Variants in SYTL3 observed in about 807,000 individuals in gnomAD.
SYTL3 encodes synaptotagmin like 3, also known as synaptotagmin-like protein 3.
A neutral mutation model predicts 82.1 loss-of-function variants in SYTL3; 88 were observed. That is an observed-to-expected ratio of 1.07 (90% CI 0.90 to 1.28). The LOEUF (loss-of-function observed/expected upper bound fraction) is 1.28. Ranked by LOEUF, SYTL3 falls within the 50% of genes most tolerant of loss-of-function variation. The probability of loss-of-function intolerance (pLI) is 0.00; values close to 1 mark genes in which losing one functional copy is unlikely to be tolerated. For missense variants in SYTL3, 831 were observed against 757.6 expected (o/e 1.10, Z -1.14); for synonymous variants, 311 against 289.4 (o/e 1.07, Z -0.76).
intron 5 of SYTL3, among the ~76,000 whole-genome samples, chr6:158,670,189 A>G (rs1382419150): frequency 6.6e-6 from 1 of 152,256 alleles, no homozygotes; most frequent in African/African-American, 2.4e-5. Context: ...CAGTACTTTT[A>G]TAATCCCATG....
chr6:158,729,366 G>A (rs977726461), intron 11 of SYTL3, among the ~76,000 whole-genome samples: 4 of 152,014 alleles, frequency 2.6e-5, no homozygotes, highest in African/African-American at 9.7e-5. Flanking sequence ...AGGGCAAGAG[G>A]GTCCAGTGCT....
At chr6:158,688,736 T>G (rs555715781) in intron 6 of SYTL3, among the ~76,000 whole-genome samples, 1 of 152,292 alleles carries the variant, frequency 6.6e-6, no homozygotes, top group East Asian at 1.9e-4. Flanking sequence ...CTTTTGTGAG[T>G]GTATGTATCT....
At chr6:158,747,049 C>G (rs371256583) in intron 12 of SYTL3, among the ~76,000 whole-genome samples, 1 of 152,098 alleles carries the variant, frequency 6.6e-6, no homozygotes, top group Non-Finnish European at 1.5e-5. Context: ...TGTATTGGCA[C>G]GATGTCAGCT....
intron 8 of SYTL3, among the ~76,000 whole-genome samples, chr6:158,708,644 C>G (rs977680226): frequency 2.6e-5 from 4 of 152,174 alleles, no homozygotes; most frequent in Non-Finnish European, 5.9e-5. Flanking sequence ...TCTCTTTACT[C>G]TTGGCATGGC....
chr6:158,659,142 C>G (rs1308536312), intron 2 of SYTL3, among the ~76,000 whole-genome samples: 1 of 152,138 alleles, frequency 6.6e-6, no homozygotes, highest in Non-Finnish European at 1.5e-5. Context: ...ATACACATAC[C>G]TCGAGTTCTC....
intron 6 of SYTL3, among the ~76,000 whole-genome samples, chr6:158,696,488 C>A (rs1780575443): frequency 6.6e-6 from 1 of 151,876 alleles, no homozygotes; most frequent in Admixed American, 6.6e-5. Flanking sequence ...CAGGTGTGAG[C>A]CACCGCACCT....
At chr6:158,671,553 T>C (rs1777382188) in intron 5 of SYTL3, among the ~76,000 whole-genome samples, 1 of 152,014 alleles carries the variant, frequency 6.6e-6, no homozygotes, top group East Asian at 1.9e-4. Flanking sequence ...TCACTTGAGG[T>C]CAGGAGTTGA....
At chr6:158,761,226 A>T (rs1178386438) in intron 15 of SYTL3, among the ~76,000 whole-genome samples, 1 of 151,406 alleles carries the variant, frequency 6.6e-6, no homozygotes, top group Non-Finnish European at 1.5e-5. Context: ...CTCCTTCAAT[A>T]ACGTGGGGCG....
chr6:158,754,225 A>G (rs1308115835), intron 13 of SYTL3, among the ~76,000 whole-genome samples: 1 of 152,194 alleles, frequency 6.6e-6, no homozygotes, highest in Non-Finnish European at 1.5e-5. Context: ...ACTTCTTGGC[A>G]AGCCTTTCTG....
At chr6:158,693,873 T>TTTTTTG (rs61163570) in intron 6 of SYTL3, among the ~76,000 whole-genome samples, 4 of 132,488 alleles carry the variant, frequency 3.0e-5, no homozygotes, top group Admixed American at 2.2e-4. Context: ...TTTTTTTTTT[T>TTTTTTG]GTAGATACAG....
At chr6:158,680,034 C>T (rs971065532) in intron 5 of SYTL3, among the ~76,000 whole-genome samples, 1 of 152,182 alleles carries the variant, frequency 6.6e-6, no homozygotes, top group Non-Finnish European at 1.5e-5. Flanking sequence ...AAAGGCAATT[C>T]TGCAAGTAAG....
intron 10 of SYTL3, among the ~76,000 whole-genome samples, chr6:158,720,453 A>C (rs892818900): frequency 6.6e-6 from 1 of 151,420 alleles, no homozygotes; most frequent in African/African-American, 2.4e-5. Flanking sequence ...AGGTTGACCA[A>C]CGTGCCTAAT....
At chr6:158,725,269 G>A (rs1366832746) in intron 10 of SYTL3, among the ~76,000 whole-genome samples, 1 of 152,100 alleles carries the variant, frequency 6.6e-6, no homozygotes, top group Non-Finnish European at 1.5e-5. Context: ...CCCAAAGCTG[G>A]ATGTTGTCTG....
At chr6:158,670,807 A>ATT (rs35123978) in intron 5 of SYTL3, among the ~76,000 whole-genome samples, 5,239 of 147,548 alleles carry the variant, frequency 0.036, 122 homozygotes, top group Non-Finnish European at 0.057. Flanking sequence ...TGTACAGAGT[A>ATT]TTTTTTTTTT....
chr6:158,757,100 C>T (rs1458602322), intron 13 of SYTL3, 111 bp from the exon 14 acceptor site: 2 of 941,568 alleles, frequency 2.1e-6, no homozygotes, highest in Non-Finnish European at 2.9e-6. Flanking sequence ...GGGAGGGAGG[C>T]CTGCGCCAGG....
At chr6:158,742,203 C>T (rs1016992569) in intron 11 of SYTL3, among the ~76,000 whole-genome samples, 2 of 152,158 alleles carry the variant, frequency 1.3e-5, no homozygotes, top group Non-Finnish European at 2.9e-5. Context: ...GCGAGAAATG[C>T]CCATTAAAAT....
chr6:158,764,608 G>T lies in SYTL3; in HGVS notation c.*4G>T. 6.2e-7 allele frequency: 1 copy of T among 1,609,082 alleles called. No homozygotes were observed. Among genetic ancestry groups the T allele is most frequent in the Non-Finnish European group, 8.5e-7 (1 of 1,175,416 alleles). ...CATGACTCTTGTCCTGCACTGACAT[G>T]AAGGCCTCAAGGTTCCAGGTTGCAG... is the stretch of plus-strand genomic sequence containing the variant. On this transcript the variant is annotated 3_prime_UTR_variant, in exon 18 of 18. Coordinates refer to ENST00000611299, the MANE Select transcript of SYTL3 (RefSeq NM_001242394.2).
Position 158,763,425 on chromosome 6 carries a change from C to T in SYTL3, c.1639C>T (p.Gln547Ter), listed in dbSNP as rs1200665230. The T allele has an allele frequency of 6.2e-7, 1 of 1,614,196 alleles. No homozygotes were observed. Among genetic ancestry groups the T allele is most frequent in the South Asian group, 1.1e-5 (1 of 91,084 alleles). Residue 547 changes from glutamine (Q) to a stop codon, truncating the protein, a stop_gained, in exon 17 of 18, where the codon CAG becomes TAG. Coordinates refer to ENST00000611299, the MANE Select transcript of SYTL3 (RefSeq NM_001242394.2). LOFTEE classifies it high-confidence loss of function. The stretch of plus-strand genomic sequence containing the variant: ...TGGCGTAACCCCAGCTCAGCTGAGG[C>T]AGTCAAGCTTGGAGTTAACTGTCTG... ...FSGVTPAQLR[Q>*]SSLELTVWDQ...
chr6:158,760,656 A>T lies in SYTL3; in HGVS notation c.1325A>T (p.Asp442Val). 1 of 1,613,988 alleles carries T rather than the reference A, an allele frequency of 6.2e-7. No individual in the cohort carries two copies. Among genetic ancestry groups the T allele is most frequent in the Non-Finnish European group, 8.5e-7 (1 of 1,179,918 alleles). Residue 442 changes from aspartate to valine, a missense_variant, in exon 15 of 18, where the codon GAC becomes GTC. Asp to Val is a radical substitution (Grantham distance 152, BLOSUM62 -3). Transcript: ENST00000611299. ...PLRAKAEKYE[D>V]SVPQSNGELT... is the part of the protein sequence containing the mutation. Reference sequence around the variant, plus strand: ...TGTCCCCAGGCGGAGAAATACGAAGACAGCGTTCCTCAGAGTAATGGAGAG... The same window carrying T: ...TGTCCCCAGGCGGAGAAATACGAAGTCAGCGTTCCTCAGAGTAATGGAGAG...
Sources: allele counts gnomAD v4.1 joint callset (sites outside exome capture counted in the v4.1 genomes callset), GRCh38; gene constraint gnomAD v4.1.1; transcripts MANE v1.5; gene names NCBI Gene and HGNC (gene_info 2026-07-23, HGNC 2026-07-21).